Variants in NR1I2 observed in about 807,000 individuals in gnomAD.
The protein encoded by NR1I2 is orphan nuclear receptor PAR1.
A neutral mutation model predicts 43.3 loss-of-function variants in NR1I2; 42 were observed. The ratio of observed to expected loss-of-function variants is 0.97; its 90% confidence interval spans 0.76 to 1.26. The LOEUF (loss-of-function observed/expected upper bound fraction) is 1.26, where lower values mean the gene tolerates loss of function less well. NR1I2 is among the 50% of genes most tolerant of loss of function. The pLI is 0.00. For missense variants in NR1I2, 559 were observed against 566.7 expected, an observed-to-expected ratio of 0.99 and a Z score of 0.14; for synonymous variants, 229 against 215.0, an observed-to-expected ratio of 1.06 and a Z score of -0.57.
At chr3:119,791,259 C>G (rs1356731064) in intron 1 of NR1I2, among the ~76,000 whole-genome samples, 1 of 152,178 alleles carries the variant, frequency 6.6e-6, no homozygotes, top group Non-Finnish European at 1.5e-5. Context: ...GCCTATGGAC[C>G]TTTGCTTGGG....
At chr3:119,789,413 T>C (rs1438083708) in intron 1 of NR1I2, among the ~76,000 whole-genome samples, 1 of 152,148 alleles carries the variant, frequency 6.6e-6, no homozygotes, top group Non-Finnish European at 1.5e-5. Flanking sequence ...CGGCATGTCT[T>C]ACATGGTGTC....
At chr3:119,790,537 T>C (rs1337972556) in intron 1 of NR1I2, among the ~76,000 whole-genome samples, 1 of 152,194 alleles carries the variant, frequency 6.6e-6, no homozygotes, top group African/African-American at 2.4e-5. Flanking sequence ...GAGTCCAAGG[T>C]TCCCATTTGT....
intron 1 of NR1I2, chr3:119,791,973 TA>T: frequency 2.9e-6 from 2 of 691,234 alleles, no homozygotes; most frequent in South Asian, 1.5e-5. Context: ...TGTGGTAGGG[TA>T]AGGGACTCAC....
chr3:119,786,666 C>T (rs934986628), intron 1 of NR1I2, among the ~76,000 whole-genome samples: 1 of 152,164 alleles, frequency 6.6e-6, no homozygotes, highest in African/African-American at 2.4e-5. Flanking sequence ...AGCTCTCAAC[C>T]CTGATCTGTG....
Position 119,812,797 on chromosome 3 carries a change from G to A in NR1I2, c.631G>A (p.Val211Ile), listed in dbSNP as rs760541932. Reference sequence around the variant, plus strand: ...CCGGAAAGATCTGTGCTCTTTGAAGGTCTCTCTGCAGCTGCGGGGGGAGGA... The same window carrying A: ...CCGGAAAGATCTGTGCTCTTTGAAGATCTCTCTGCAGCTGCGGGGGGAGGA... The change falls in exon 5 of 9, where the codon GTC (valine) becomes ATC (isoleucine). Residue 211 changes from valine to isoleucine, a missense_variant. Physicochemically the swap from Val to Ile is conservative, Grantham distance 29. This residue lies in a region of NR1I2 where 323 missense variants were observed against 312.2 expected (regional missense o/e 1.03). Coordinates refer to ENST00000393716, the MANE Select transcript of NR1I2 (RefSeq NM_003889.4). 1.2e-6 allele frequency: 2 copies of A among 1,614,076 alleles called. No individual in the cohort carries two copies. Among genetic ancestry groups the A allele is most frequent in the South Asian group, 2.2e-5 (2 of 91,092 alleles).
chr3:119,782,732 A>G (rs1222506445), intron 1 of NR1I2: 1 of 1,442,444 alleles, frequency 6.9e-7, no homozygotes, highest in African/African-American at 1.5e-5. Flanking sequence ...TAGTGCTGGC[A>G]GCCCCCTGAG....
At chr3:119,790,919 T>C (rs1275702985) in intron 1 of NR1I2, among the ~76,000 whole-genome samples, 1 of 152,210 alleles carries the variant, frequency 6.6e-6, no homozygotes, top group African/African-American at 2.4e-5. Flanking sequence ...GGAGTGGCCC[T>C]GTGTGACAGG....
intron 5 of NR1I2, among the ~76,000 whole-genome samples, chr3:119,814,128 T>C (rs567832983): frequency 6.6e-6 from 1 of 152,272 alleles, no homozygotes; most frequent in African/African-American, 2.4e-5. Flanking sequence ...AAAAGAAGGA[T>C]GGGCGCCAGT....
rs1444991668 is a variant in NR1I2 at position 119,815,032 on chromosome 3, T to C, written c.848T>C (p.Leu283Pro). 5 of 1,614,064 alleles carry C rather than the reference T, an allele frequency of 3.1e-6. No individual in the cohort carries two copies. Among genetic ancestry groups the C allele is most frequent in the Non-Finnish European group, 4.2e-6 (5 of 1,180,036 alleles). Reference sequence around the variant, plus strand: ...CTGCTGAAGGGGGCCGCTTTCGAGCTGTGTCAACTGAGATTCAACACAGTG... The same window carrying C: ...CTGCTGAAGGGGGCCGCTTTCGAGCCGTGTCAACTGAGATTCAACACAGTG... The change falls in exon 6 of 9, where the codon CTG becomes CCG. Residue 283 changes from leucine (L) to proline (P), a missense_variant. By Grantham distance (98) the Leu-to-Pro change is moderately conservative (BLOSUM62 -3). Coordinates refer to ENST00000393716, the MANE Select transcript of NR1I2 (RefSeq NM_003889.4).
At position 119,817,970 on chromosome 3, in the gene NR1I2, G is replaced by A. The variant is rs6438550; in HGVS notation, c.*758G>A. 929,379 of 985,340 alleles carry A rather than the reference G, an allele frequency of 0.94. 438,608 individuals are homozygous for A. The highest frequency in any genetic ancestry group is 0.96 in the Admixed American group (15,561 of 16,294). The allele number at this position is 985,340 out of a possible 1,614,324, so 61.0% of individuals were successfully genotyped here. A position where few individuals can be genotyped will look rare whatever the true frequency, so the allele number is the denominator to read the frequency against. On this transcript the variant is annotated 3_prime_UTR_variant, in exon 9 of 9. Transcript: ENST00000393716. The stretch of plus-strand genomic sequence containing the variant: ...TAAAAAAACAAACAGAAACACAAAC[G>A]ATTTGGATCAAAAGGAGAAATGATA...
At position 119,810,121 on chromosome 3, in the gene NR1I2, C is replaced by T; in HGVS notation, c.258C>T (p.Ile86=). ...CCTTCCGGAAGGGCGCCTGCGAGAT[C>T]ACCCGGAAGACCCGGCGACAGTGCC... The change falls in exon 3 of 9, where the codon ATC becomes ATT. Residue 86 remains isoleucine (I), a synonymous_variant. Transcript: ENST00000393716. 1.9e-6 allele frequency: 3 copies of T among 1,613,592 alleles called. No homozygotes were observed. In the South Asian group the frequency reaches 3.3e-5, roughly 18 times the overall value.
At chr3:119,815,665 C>G in intron 7 of NR1I2, 61 bp from the exon 8 acceptor site, 3 of 1,440,924 alleles carry the variant, frequency 2.1e-6, no homozygotes, top group Non-Finnish European at 2.9e-6. Flanking sequence ...TGCCCTGACT[C>G]TGGGCTGGAC....
intron 1 of NR1I2, among the ~76,000 whole-genome samples, chr3:119,787,195 C>T (rs538569619): frequency 2.6e-5 from 4 of 151,110 alleles, no homozygotes; most frequent in South Asian, 4.2e-4. Flanking sequence ...GGCTGAGGCA[C>T]GAGAATCATT....
chr3:119,810,936 TA>T (rs2055232197), intron 3 of NR1I2: 1 of 153,352 alleles, frequency 6.5e-6, no homozygotes, highest in Non-Finnish European at 1.5e-5. Context: ...CTGGGCTATA[TA>T]AGAAGTCTCT....
chr3:119,806,217 A>G (rs2055158748), intron 1 of NR1I2, among the ~76,000 whole-genome samples: 1 of 152,206 alleles, frequency 6.6e-6, no homozygotes, highest in African/African-American at 2.4e-5. Flanking sequence ...TGTCTGTTCC[A>G]AGTAGAATTC....
chr3:119,796,473 T>C (rs2055000968), intron 1 of NR1I2, among the ~76,000 whole-genome samples: 1 of 152,240 alleles, frequency 6.6e-6, no homozygotes, highest in Admixed American at 6.5e-5. Context: ...CCTTGCTCCA[T>C]TGTCCAGCCC....
intron 5 of NR1I2, among the ~76,000 whole-genome samples, chr3:119,813,393 G>C (rs2055272548): frequency 6.6e-6 from 1 of 152,142 alleles, no homozygotes; most frequent in African/African-American, 2.4e-5. Flanking sequence ...GAGGGCGGGT[G>C]GTCCTCAGAG....
chr3:119,814,963 C>T lies in NR1I2; in HGVS notation c.795-16C>T, dbSNP rs1425621298. 1 of 1,613,876 alleles carries T rather than the reference C, an allele frequency of 6.2e-7. No individual in the cohort carries two copies. Among genetic ancestry groups the T allele is most frequent in the African/African-American group, 1.3e-5 (1 of 74,908 alleles). On this transcript the variant is annotated splice_polypyrimidine_tract_variant and intron_variant, in intron 5 of 8. Transcript: ENST00000393716. ...CTCCCAGGGAGCTGTCCTCCCCTCC[C>T]CATCCTTGCTGCCAGGGACTTGCCC...
chr3:119,815,930 A>G, intron 8 of NR1I2, 99 bp downstream of exon 8: 1 of 967,312 alleles, frequency 1.0e-6, no homozygotes, highest in Middle Eastern at 2.1e-4. Context: ...TGGCATCTGG[A>G]GGTAGCCCCA....
Sources: allele counts gnomAD v4.1 joint callset (sites outside exome capture counted in the v4.1 genomes callset), GRCh38; gene constraint gnomAD v4.1.1; regional missense constraint gnomAD v4.1.1; transcripts MANE v1.5; gene names NCBI Gene and HGNC (gene_info 2026-07-23, HGNC 2026-07-21).